The following RNF213 variants were observed in gnomAD, a reference collection of about 807,000 sequenced individuals.
RNF213 encodes E3 ubiquitin-protein ligase RNF213.
RNF213 carries 341 observed loss-of-function variants against 514.4 expected under a neutral mutation model. That is an observed-to-expected ratio of 0.66 (90% CI 0.61 to 0.73). RNF213 has a LOEUF of 0.73. Among genes scored for constraint, RNF213 ranks in the 30% least tolerant of loss-of-function variants. The pLI, the probability that RNF213 is intolerant of heterozygous loss-of-function variation, is 0.00. For missense variants in RNF213, 5,767 were observed against 6,615.6 expected (o/e 0.87, Z 4.45); for synonymous variants, 2,655 against 2,658.2 (o/e 1.00, Z 0.04).
chr17:80,379,431 A>G (rs2079896040), intron 54 of RNF213, 189 bp from the exon 55 acceptor site: 1 of 641,784 alleles, frequency 1.6e-6, no homozygotes, highest in Non-Finnish European at 2.9e-6. Flanking sequence ...CAGTTTGCCC[A>G]CGTGCAACAT....
chr17:80,389,749 C>A, intron 65 of RNF213, 79 bp from the exon 66 acceptor site: 2 of 1,178,578 alleles, frequency 1.7e-6, no homozygotes, highest in Non-Finnish European at 2.5e-6. Context: ...GTGTGGAGAG[C>A]ACTCAGGCTC....
intron 5 of RNF213, among the ~76,000 whole-genome samples, chr17:80,289,200 G>T (rs2044589655): frequency 6.6e-6 from 1 of 152,202 alleles, no homozygotes; most frequent in South Asian, 2.1e-4. Context: ...GCCTCTGGAG[G>T]CTGTGATTAG....
In RNF213 at chr17:80,398,121, A is replaced by ACTGGCACT. The variant is rs1200856267; in HGVS notation, c.*4628_*4635dup. ...GCCTGATCACCCACGGCGTGCCTGTACTGGCACTCTGGTTTTTGTTTTTGA... is the reference window on the plus strand; with the variant it reads ...GCCTGATCACCCACGGCGTGCCTGTACTGGCACTCTGGCACTCTGGTTTTTGTTTTTGA... On this transcript the variant is annotated 3_prime_UTR_variant, in exon 68 of 68. Transcript: ENST00000582970. 2.0e-5 allele frequency: 3 copies of ACTGGCACT among 151,682 alleles called. No homozygotes were observed. Among genetic ancestry groups the ACTGGCACT allele is most frequent in the African/African-American group, 7.3e-5 (3 of 41,288 alleles). 9.4% of individuals were successfully genotyped at this position (151,682 alleles called of 1,614,324 possible). A position where few individuals can be genotyped will look rare whatever the true frequency, so the allele number is the denominator to read the frequency against.
intron 3 of RNF213, among the ~76,000 whole-genome samples, chr17:80,286,898 G>A (rs1265969649): frequency 1.3e-5 from 2 of 152,168 alleles, no homozygotes; most frequent in Non-Finnish European, 2.9e-5. Context: ...TCCAAAATGG[G>A]GACCGTACAC....
chr17:80,375,813 T>C lies in RNF213; in HGVS notation c.13128T>C (p.Phe4376=), dbSNP rs2079730977. The C allele has an allele frequency of 6.2e-7, 1 of 1,614,068 alleles. No homozygotes were observed. The highest frequency in any genetic ancestry group is 8.5e-7 in the Non-Finnish European group (1 of 1,180,036). ...CAGCCTACTTCCTGTTAACACTGTT[T>C]AGAGAGGTGGCTATTTTGTACAGAT... ...QQSAYFLLTL[F]REVAILYRSH... The change falls in exon 51 of 68, where the codon TTT becomes TTC. Residue 4376 remains phenylalanine (F), a synonymous_variant. Coordinates refer to ENST00000582970, the MANE Select transcript of RNF213 (RefSeq NM_001256071.3).
At chr17:80,376,159 C>A in intron 51 of RNF213, 142 bp from the exon 52 acceptor site, 8 of 934,932 alleles carry the variant, frequency 8.6e-6, no homozygotes, top group Non-Finnish European at 1.3e-5. Context: ...ATTCTCTTCT[C>A]TGAAAAATTT....
Position 80,263,899 on chromosome 17 carries a change from GT to G in RNF213, c.97+122del. The G allele has an allele frequency of 1.3e-6, 1 of 758,678 alleles. No homozygotes were observed. The highest frequency in any genetic ancestry group is 1.5e-5 in the South Asian group (1 of 67,292). The allele number at this position is 758,678 out of a possible 1,614,324, so 47.0% of individuals were successfully genotyped here. A position where few individuals can be genotyped will look rare whatever the true frequency, so the allele number is the denominator to read the frequency against. On this transcript the variant is annotated intron_variant, in intron 2 of 67. Transcript: ENST00000582970. This position sits in a 1 kb window ranked among gnomAD's most constrained non-coding sequence, Gnocchi z 4.9. ...AGCTCAGGTGGGGCCGAGGTCCTCTGTGGCTACTGAGGCTCTGTGGCTCTGA... is the reference window on the plus strand; with the variant it reads ...AGCTCAGGTGGGGCCGAGGTCCTCTGGGCTACTGAGGCTCTGTGGCTCTGA...
intron 54 of RNF213, among the ~76,000 whole-genome samples, chr17:80,378,466 C>T (rs964719187): frequency 6.6e-6 from 1 of 152,112 alleles, no homozygotes; most frequent in African/African-American, 2.4e-5. Context: ...GTATTACTTA[C>T]TTGGTTGAGA....
chr17:80,315,252 GACGTGATGGTGGAGGTAATGGAGGTGA>G (rs2045834721), intron 15 of RNF213, among the ~76,000 whole-genome samples: 1 of 32,818 alleles, frequency 3.0e-5, no homozygotes, highest in Non-Finnish European at 5.2e-5. Context: ...GATGGTGGTG[GACGTGATGGTGGAGGTAATGGAGGTGA>G]TGGTGGTGGT....
Position 80,389,951 on chromosome 17 carries a change from G to A in RNF213, c.15285+34G>A, listed in dbSNP as rs558820796. Reference sequence around the variant, plus strand: ...GGTCTCTTCCTCTCTGCTGGACAGAGGGACTGCGCTCCCTTCTCCCTGCAG... The same window carrying A: ...GGTCTCTTCCTCTCTGCTGGACAGAAGGACTGCGCTCCCTTCTCCCTGCAG... On this transcript the variant is annotated intron_variant, in intron 66 of 67. Transcript: ENST00000582970. The A allele has an allele frequency of 1.3e-5, 21 of 1,613,388 alleles. No homozygotes were observed. The South Asian group carries it at 2.1e-4, about 16-fold the overall frequency.
At position 80,263,573 on chromosome 17, in the gene RNF213, G is replaced by C; in HGVS notation, c.-108-1G>C. 1 of 947,840 alleles carries C rather than the reference G, an allele frequency of 1.1e-6. No homozygotes were observed. Among genetic ancestry groups the C allele is most frequent in the Non-Finnish European group, 1.7e-6 (1 of 576,280 alleles). The allele number at this position is 947,840 out of a possible 1,614,324, so 58.7% of individuals were successfully genotyped here. Reference sequence around the variant, plus strand: ...GGGCTGCTGTGATTTCACTTTCGCAGAAAATGAAACTGAAGCCGTGGTCAC... The same window carrying C: ...GGGCTGCTGTGATTTCACTTTCGCACAAAATGAAACTGAAGCCGTGGTCAC... On this transcript the variant is annotated splice_acceptor_variant, in intron 1 of 67. Transcript: ENST00000582970. LOFTEE classifies it low-confidence loss of function (5UTR_SPLICE). This position sits in a 1 kb window ranked among gnomAD's most constrained non-coding sequence, Gnocchi z 4.9.
intron 46 of RNF213, chr17:80,371,644 G>T: frequency 2.3e-6 from 1 of 435,334 alleles, no homozygotes; most frequent in East Asian, 4.2e-5. Flanking sequence ...AGACTATAAA[G>T]GGGTCCTGAA....
intron 42 of RNF213, among the ~76,000 whole-genome samples, chr17:80,366,255 T>G (rs553697342): frequency 1.3e-5 from 2 of 152,228 alleles, no homozygotes; most frequent in Non-Finnish European, 2.9e-5. Flanking sequence ...GTTTTGGATA[T>G]GTACCTTGAA....
At position 80,343,267 on chromosome 17, in the gene RNF213, TC is replaced by T; in HGVS notation, c.6127del (p.Leu2043TrpfsTer16). On this transcript the variant is annotated frameshift_variant, in exon 27 of 68. Transcript: ENST00000582970. LOFTEE classifies it high-confidence loss of function. The surrounding 1 kb of genome is among the most constrained non-coding windows in gnomAD (Gnocchi z 4.3). The part of the protein sequence containing the change: ...ESRVLGALLP[F>X]LDAQYQKVPV... ...CGAGTCCTGGGCGCCCTGCTGCCCTTCCTGGATGCGCAGTATCAGAAGGTCC... is the reference window on the plus strand; with the variant it reads ...CGAGTCCTGGGCGCCCTGCTGCCCTTCTGGATGCGCAGTATCAGAAGGTCC... 6.2e-7 allele frequency: 1 copy of T among 1,613,858 alleles called. No homozygotes were observed. Among genetic ancestry groups the T allele is most frequent in the Non-Finnish European group, 8.5e-7 (1 of 1,179,870 alleles).
At chr17:80,270,828 T>C (rs564370564) in intron 2 of RNF213, among the ~76,000 whole-genome samples, 1 of 152,220 alleles carries the variant, frequency 6.6e-6, no homozygotes, top group East Asian at 1.9e-4. Context: ...GGGGTTCAAG[T>C]GTACTAGGGC....
chr17:80,290,808 A>ATT, intron 7 of RNF213, 80 bp downstream of exon 7: 4 of 1,550,332 alleles, frequency 2.6e-6, no homozygotes, highest in East Asian at 2.3e-5. Flanking sequence ...GTTTAAAAAA[A>ATT]TTTTGTTTTT....
Position 80,374,806 on chromosome 17 carries a change from G to T in RNF213, c.13074+217G>T, listed in dbSNP as rs1373784357. On this transcript the variant is annotated intron_variant, in intron 50 of 67. Transcript: ENST00000582970. ...CAGGACAGCTATGACAGTTGAGCTG[G>T]GTTGACAGATTTGCTGTGTCTTGCT... is the stretch of plus-strand genomic sequence containing the variant. The T allele has an allele frequency of 8.9e-6, 5 of 563,218 alleles. No homozygotes were observed. In the African/African-American group the frequency reaches 9.4e-5, roughly 11 times the overall value. 34.9% of individuals were successfully genotyped at this position (563,218 alleles called of 1,614,324 possible).
In RNF213 at chr17:80,288,829, T is replaced by C. The variant is rs1473253937; in HGVS notation, c.933+74T>C. 6.2e-7 allele frequency: 1 copy of C among 1,609,890 alleles called. No individual in the cohort carries two copies. The highest frequency in any genetic ancestry group is 1.3e-5 in the African/African-American group (1 of 74,794). On this transcript the variant is annotated intron_variant, in intron 5 of 67. Coordinates refer to ENST00000582970, the MANE Select transcript of RNF213 (RefSeq NM_001256071.3). The surrounding 1 kb of genome is among the most constrained non-coding windows in gnomAD (Gnocchi z 4.9). ...CGGCTGCGCCTCTTTCATTTAATTA[T>C]TCAGCAAATATTTAAGTGCTGGGGA...
In RNF213 at chr17:80,317,310, C is replaced by A; in HGVS notation, c.2901+33C>A. ...AAGTTTGGGGGCAGTCTTTTCAGGGCGTGAAGGCAAGCTGGAGAACCCCAG... is the reference window on the plus strand; with the variant it reads ...AAGTTTGGGGGCAGTCTTTTCAGGGAGTGAAGGCAAGCTGGAGAACCCCAG... On this transcript the variant is annotated intron_variant, in intron 16 of 67. Coordinates refer to ENST00000582970, the MANE Select transcript of RNF213 (RefSeq NM_001256071.3). The surrounding 1 kb of genome is among the most constrained non-coding windows in gnomAD (Gnocchi z 4.1). The A allele has an allele frequency of 6.3e-7, 1 of 1,594,066 alleles. No individual in the cohort carries two copies. Among genetic ancestry groups the A allele is most frequent in the Non-Finnish European group, 8.6e-7 (1 of 1,167,724 alleles).
Sources: gnomAD v4.1 joint callset for allele counts (sites outside exome capture counted in the v4.1 genomes callset) on GRCh38, gnomAD v4.1.1 for gene constraint, Gnocchi (gnomAD v3.1) non-coding constraint, MANE v1.5 for transcripts, NCBI Gene and HGNC (gene_info 2026-07-23, HGNC 2026-07-21) for gene names.